The following DMD variants were observed in gnomAD, a reference collection of about 807,000 sequenced individuals.
The protein encoded by DMD is mutant dystrophin.
A neutral mutation model predicts 330.1 loss-of-function variants in DMD; 63 were observed. The ratio of observed to expected loss-of-function variants is 0.19; its 90% CI spans 0.16 to 0.24. The LOEUF is 0.24. DMD is among the 10% of genes least tolerant of loss of function. DMD has a pLI of 1.00. For synonymous variants in DMD, 1,223 were observed against 959.8 expected, an observed-to-expected ratio of 1.27 and a Z score of -5.07; for missense variants, 3,344 against 2,684.1, an observed-to-expected ratio of 1.25 and a Z score of -5.43.
intron 1 of DMD, among the ~76,000 whole-genome samples, chrX:33,268,907 C>CAAAAAAAAAAAAAAAAAAAAAAAAA (rs202219233): frequency 2.3e-5 from 1 of 43,317 alleles, no homozygotes. Flanking sequence ...GCCTGGGTGA[C>CAAAAAAAAAAAAAAAAAAAAAAAAA]AAAAAAAAAA....
chrX:33,128,006 T>C (rs770257503), intron 1 of DMD: 1 of 1,116,070 alleles, frequency 9.0e-7, no homozygotes, highest in Admixed American at 2.9e-5. Flanking sequence ...GAAAGGCATA[T>C]GGAACAGGAG....
At chrX:32,331,390 T>A (rs2097678861) in intron 41 of DMD, among the ~76,000 whole-genome samples, 1 of 111,776 alleles carries the variant, frequency 8.9e-6, no homozygotes, top group African/African-American at 3.2e-5. Context: ...ATGAGTTATA[T>A]TTTTTTAATT....
intron 60 of DMD, among the ~76,000 whole-genome samples, chrX:31,431,955 C>T (rs975437576): frequency 2.7e-5 from 3 of 109,303 alleles, no homozygotes; most frequent in Non-Finnish European, 3.8e-5. Flanking sequence ...GTTGGGATTA[C>T]AGGCATGCGT....
At chrX:33,109,981 T>C (rs1022382753) in intron 1 of DMD, among the ~76,000 whole-genome samples, 2 of 111,604 alleles carry the variant, frequency 1.8e-5, no homozygotes, top group Non-Finnish European at 3.8e-5. Context: ...TTTGTTTGTT[T>C]CTTTGTTTGT....
intron 7 of DMD, among the ~76,000 whole-genome samples, chrX:32,760,117 TCCC>T (rs1331612821): frequency 1.5e-4 from 17 of 111,721 alleles, no homozygotes; most frequent in Admixed American, 8.6e-4. Flanking sequence ...GTCACAAAAA[TCCC>T]CCCAACTATT....
chrX:33,039,614 A>C (rs907747571), intron 1 of DMD, among the ~76,000 whole-genome samples: 2 of 111,806 alleles, frequency 1.8e-5, no homozygotes, highest in Non-Finnish European at 3.8e-5. Context: ...ACAGGTCCTC[A>C]ATACATTTTT....
At chrX:31,461,247 A>G (rs905384146) in intron 59 of DMD, among the ~76,000 whole-genome samples, 1 of 112,081 alleles carries the variant, frequency 8.9e-6, no homozygotes, top group Admixed American at 9.5e-5. Context: ...ACTACACAAA[A>G]TATGTCTTCA....
intron 54 of DMD, among the ~76,000 whole-genome samples, chrX:31,628,504 T>C (rs1279073940): frequency 1.8e-5 from 2 of 111,862 alleles, no homozygotes; most frequent in Admixed American, 9.5e-5. Context: ...AACTATCATT[T>C]TGCATGACAT....
chrX:32,412,631 G>A (rs1243155169), intron 29 of DMD, among the ~76,000 whole-genome samples: 2 of 111,563 alleles, frequency 1.8e-5, no homozygotes, highest in Non-Finnish European at 3.8e-5. Flanking sequence ...ATACCATGCT[G>A]CACAGATTGG....
At position 32,332,702 on chromosome X, in the gene DMD, A is replaced by G. The variant is rs956073303; in HGVS notation, c.5922+9398T>C. ...CCAGGTCAGATATCCCTTGAAATTC[A>G]TGAAGAGTTTTGGATTTCACTTAAA... is the stretch of plus-strand genomic sequence containing the variant. On this transcript the variant is annotated intron_variant, in intron 41 of 78. Transcript: ENST00000357033. 2.7e-5 allele frequency among the ~76,000 whole-genome samples: 3 copies of G among 110,747 alleles called. No individual in the cohort carries two copies. The Admixed American group carries it at 2.9e-4, about 11-fold the overall frequency.
At chrX:32,461,821 T>C (rs74839287) in intron 25 of DMD, among the ~76,000 whole-genome samples, 9 of 110,235 alleles carry the variant, frequency 8.2e-5, no homozygotes, top group East Asian at 2.9e-4. Flanking sequence ...TTTTTTTTTT[T>C]CCTAAACAAC....
In DMD at chrX:31,260,012, A is replaced by T. The variant is rs531767397; in HGVS notation, c.9286+943T>A. 4.4e-4 allele frequency among the ~76,000 whole-genome samples: 40 copies of T among 91,706 alleles called. 1 individual carries two copies. In the East Asian group the frequency reaches 7.3e-3, roughly 17 times the overall value. 79.6% of individuals were successfully genotyped at this position (91,706 alleles called of 115,157 possible). A position where few individuals can be genotyped will look rare whatever the true frequency, so the allele number is the denominator to read the frequency against. On this transcript the variant is annotated intron_variant, in intron 63 of 78. Transcript: ENST00000357033. ...AGAAAAGACATGACGTTTTTATATT[A>T]AAAAAATACATAAAAACACAGCCTG...
chrX:33,026,204 G>A (rs1227320478), intron 1 of DMD, among the ~76,000 whole-genome samples: 4 of 105,653 alleles, frequency 3.8e-5, no homozygotes, highest in Admixed American at 1.0e-4. Flanking sequence ...GCGTGGTGGC[G>A]GGCGCCTGTA....
chrX:32,787,030 C>G (rs919364134), intron 7 of DMD, among the ~76,000 whole-genome samples: 1 of 111,546 alleles, frequency 9.0e-6, no homozygotes, highest in Non-Finnish European at 1.9e-5. Flanking sequence ...AATTCAACCA[C>G]TTTTACGATG....
intron 37 of DMD, among the ~76,000 whole-genome samples, chrX:32,358,258 T>C (rs1026933865): frequency 4.5e-5 from 5 of 111,073 alleles, no homozygotes; most frequent in Non-Finnish European, 7.5e-5. Context: ...ATAATTAATA[T>C]GAATAAATAA....
intron 2 of DMD, among the ~76,000 whole-genome samples, chrX:32,861,666 CAGG>C (rs1003214502): frequency 9.0e-6 from 1 of 111,639 alleles, no homozygotes; most frequent in African/African-American, 3.3e-5. Flanking sequence ...GATTATCTGA[CAGG>C]AGCTTTGATA....
chrX:32,011,250 C>T (rs1244334960), intron 44 of DMD, among the ~76,000 whole-genome samples: 3 of 112,206 alleles, frequency 2.7e-5, no homozygotes, highest in African/African-American at 6.5e-5. Flanking sequence ...AAATCTTATT[C>T]GTAGGACAGC....
rs374560628 is a variant in DMD, at chrX:32,343,299, C to T, written c.5587-13G>A. 197 of 1,190,127 alleles carry T rather than the reference C, an allele frequency of 1.7e-4. 1 individual carries two copies. In the South Asian group the frequency reaches 2.3e-3, roughly 14 times the overall value. ...GAGACCTCAAATCCTGTTCATGGTG[C>T]AGACATTATTAAAATATCAATATAT... On this transcript the variant is annotated splice_polypyrimidine_tract_variant and intron_variant, in intron 39 of 78. Transcript: ENST00000357033.
At chrX:31,798,743 T>C (rs905335810) in intron 50 of DMD, among the ~76,000 whole-genome samples, 8 of 110,949 alleles carry the variant, frequency 7.2e-5, no homozygotes, top group African/African-American at 2.6e-4. Context: ...GAAATATACA[T>C]TTAACATCAT....
Sources: allele counts gnomAD v4.1 joint callset (sites outside exome capture counted in the v4.1 genomes callset), GRCh38; gene constraint gnomAD v4.1.1; transcripts MANE v1.5; gene names NCBI Gene and HGNC (gene_info 2026-07-23, HGNC 2026-07-21).